The following NRP1 variants were observed in gnomAD, a reference collection of about 807,000 sequenced individuals.
NRP1 encodes neuropilin 1, also known as neuropilin-1.
A neutral mutation model predicts 106.7 loss-of-function variants in NRP1; 35 were observed. The observed-to-expected ratio is 0.33, with a 90% confidence interval of 0.25 to 0.43. The LOEUF (loss-of-function observed/expected upper bound fraction) is 0.43. Among genes scored for constraint, NRP1 ranks in the 20% least tolerant of loss-of-function variants. The pLI, the probability that NRP1 is intolerant of heterozygous loss-of-function variation, is 1.00. For missense variants in NRP1, 1,024 were observed against 1,170.4 expected (o/e 0.87, Z 1.83); for synonymous variants, 437 against 417.9 (o/e 1.05, Z -0.56).
chr10:33,182,719 C>G lies in NRP1; in HGVS notation c.2461G>C (p.Glu821Gln). ...TTACCTGTTTCATCAATTTTAATTT[C>G]TGGGTTCTTTTTATCCAGGTCTGCT... The part of the protein sequence containing the change: ...KPADLDKKNP[E>Q]IKIDETGSTP... The change falls in exon 16 of 17, where the codon GAA becomes CAA. Residue 821 changes from glutamate (E) to glutamine (Q), a missense_variant. By Grantham distance (29) the Glu-to-Gln change is conservative (BLOSUM62 2). This residue lies in a region of NRP1 where 164 missense variants were observed against 161.4 expected (regional missense o/e 1.02). Transcript: ENST00000374867. 6.2e-7 allele frequency: 1 copy of G among 1,612,870 alleles called. No individual in the cohort carries two copies. Among genetic ancestry groups the G allele is most frequent in the Non-Finnish European group, 8.5e-7 (1 of 1,179,680 alleles).
intron 6 of NRP1, among the ~76,000 whole-genome samples, chr10:33,226,645 G>A (rs1018602858): frequency 6.6e-6 from 1 of 152,208 alleles, no homozygotes; most frequent in African/African-American, 2.4e-5. Context: ...TGGAATTAAT[G>A]ATAGAACAGC....
chr10:33,254,894 A>G (rs534903569), intron 5 of NRP1, among the ~76,000 whole-genome samples: 3 of 152,356 alleles, frequency 2.0e-5, no homozygotes, highest in East Asian at 1.9e-4. Context: ...AAAGAAGCAC[A>G]TTAGGTGGAC....
intron 2 of NRP1, among the ~76,000 whole-genome samples, chr10:33,323,946 C>T (rs1321034597): frequency 1.3e-5 from 2 of 152,154 alleles, no homozygotes; most frequent in Non-Finnish European, 2.9e-5. Context: ...TAAGTGCCTG[C>T]TCCCTAAAGT....
In NRP1 at chr10:33,270,696, G is replaced by A. The variant is rs766101815; in HGVS notation, c.409C>T (p.Arg137Cys). 2 of 1,610,242 alleles carry A rather than the reference G, an allele frequency of 1.2e-6. No individual in the cohort carries two copies. The highest frequency in any genetic ancestry group is 1.1e-5 in the South Asian group (1 of 90,332). Residue 137 changes from arginine (R) to cysteine (C), a missense_variant, in exon 3 of 17, where the codon CGT becomes TGT. Arg to Cys is a radical substitution (Grantham distance 180, BLOSUM62 -3). Around this residue, in one of 5 missense-constraint regions of NRP1, gnomAD observed 279 missense variants for 327.4 expected, o/e 0.85. Transcript: ENST00000374867. The stretch of plus-strand genomic sequence containing the variant: ...TCACCTCTCTTGAAAATTTCATAAC[G>A]TATGGAAAATCCTGCACCATGTGTT... ...YETHGAGFSIRYEIFKRGPEC... is the reference protein window; with the variant it reads ...YETHGAGFSICYEIFKRGPEC...
chr10:33,318,773 G>A (rs1422966359), intron 2 of NRP1, among the ~76,000 whole-genome samples: 26 of 143,822 alleles, frequency 1.8e-4, no homozygotes, highest in African/African-American at 6.1e-4. Context: ...GGTTTTGGTG[G>A]CCAAAACCAC....
upstream of NRP1, chr10:33,334,667 TCAAAAAAAAAA>T (rs1848517539): frequency 2.6e-4 from 1 of 3,820 alleles, no homozygotes; most frequent in South Asian, 5.4e-3. Context: ...GGGCCATGTC[TCAAAAAAAAAA>T]AAAAAAAAAA....
intron 2 of NRP1, among the ~76,000 whole-genome samples, chr10:33,292,567 C>T (rs551909906): frequency 2.0e-5 from 3 of 152,102 alleles, no homozygotes; most frequent in Non-Finnish European, 4.4e-5. Context: ...ACACTGAAGC[C>T]CAGCAGGTGA....
At chr10:33,333,746 T>C (rs1490929573) in intron 1 of NRP1, among the ~76,000 whole-genome samples, 3 of 152,226 alleles carry the variant, frequency 2.0e-5, no homozygotes, top group African/African-American at 7.2e-5. Context: ...CCTGGTGCCT[T>C]ACACTGTATA....
At chr10:33,297,118 C>A (rs1471150836) in intron 2 of NRP1, among the ~76,000 whole-genome samples, 1 of 152,146 alleles carries the variant, frequency 6.6e-6, no homozygotes, top group Non-Finnish European at 1.5e-5. Context: ...GCAAAGCAAG[C>A]ACTGAACATC....
rs144391985 is a variant in NRP1, at chr10:33,205,844, CT to C, written c.1759+1727del. On this transcript the variant is annotated intron_variant, in intron 10 of 16. Transcript: ENST00000374867. Reference sequence around the variant, plus strand: ...AAACCATAATTTCATTTTTTTCCCCCTAAACCATAATTTCCAATTTTGTGGC... The same window carrying C: ...AAACCATAATTTCATTTTTTTCCCCCAAACCATAATTTCCAATTTTGTGGC... 1,527 of 186,030 alleles carry C rather than the reference CT, an allele frequency of 8.2e-3. 26 individuals carry two copies. Among genetic ancestry groups the C allele is most frequent in the African/African-American group, 0.034 (1,434 of 42,666 alleles). 11.5% of individuals were successfully genotyped at this position (186,030 alleles called of 1,614,324 possible).
rs746144639 is a variant in NRP1 at position 33,270,750 on chromosome 10, G to C, written c.355C>G (p.Leu119Val). Residue 119 changes from leucine (L) to valine (V), a missense_variant, in exon 3 of 17, where the codon CTT becomes GTT. Transcript: ENST00000374867. ...PPPVVSSGPF[L>V]FIKFVSDYET... is the part of the protein sequence containing the mutation. ...TAGTCAGAGACAAATTTGATAAAAA[G>C]AAATGGCCCTGAAGACACAACAGGA... 8 of 1,613,842 alleles carry C rather than the reference G, an allele frequency of 5.0e-6. No homozygotes were observed. The highest frequency in any genetic ancestry group is 5.9e-6 in the Non-Finnish European group (7 of 1,179,882).
At chr10:33,239,451 T>G (rs1405172433) in intron 6 of NRP1, among the ~76,000 whole-genome samples, 1 of 152,256 alleles carries the variant, frequency 6.6e-6, no homozygotes, top group Non-Finnish European at 1.5e-5. Flanking sequence ...CCAAACTGCC[T>G]GTCATTAAAG....
intron 2 of NRP1, among the ~76,000 whole-genome samples, chr10:33,289,813 A>G (rs1336169189): frequency 6.6e-6 from 1 of 152,234 alleles, no homozygotes; most frequent in East Asian, 1.9e-4. Context: ...ATCTGAGTGC[A>G]CGACACACAA....
chr10:33,316,456 T>C (rs1347935928), intron 2 of NRP1, among the ~76,000 whole-genome samples: 1 of 152,190 alleles, frequency 6.6e-6, no homozygotes, highest in Non-Finnish European at 1.5e-5. Context: ...GTTCTCCAGG[T>C]GGTCAACATC....
At chr10:33,295,217 C>G (rs571221261) in intron 2 of NRP1, among the ~76,000 whole-genome samples, 1 of 152,238 alleles carries the variant, frequency 6.6e-6, no homozygotes, top group Admixed American at 6.5e-5. Context: ...CAAGGTTTTC[C>G]AGTTGTTCAA....
chr10:33,266,080 C>T (rs1435336770), intron 3 of NRP1, among the ~76,000 whole-genome samples: 1 of 152,098 alleles, frequency 6.6e-6, no homozygotes, highest in Non-Finnish European at 1.5e-5. Flanking sequence ...TTATTAGTAT[C>T]TGCATGAAAC....
chr10:33,267,606 T>G, intron 3 of NRP1, among the ~76,000 whole-genome samples: 1 of 144,654 alleles, frequency 6.9e-6, no homozygotes. Flanking sequence ...CCCGTCCCCC[T>G]TGCACTGAGA....
chr10:33,298,953 C>T (rs2776930), intron 2 of NRP1, among the ~76,000 whole-genome samples: 126,327 of 152,094 alleles, frequency 0.83, 53,019 homozygotes, highest in East Asian at 0.97. Context: ...TTCTACCTAC[C>T]ATGCATTGAG....
intron 11 of NRP1, among the ~76,000 whole-genome samples, chr10:33,200,858 C>A (rs915700840): frequency 1.2e-4 from 19 of 152,162 alleles, no homozygotes; most frequent in African/African-American, 4.6e-4. Flanking sequence ...AAAAAGACTG[C>A]CTTCTTGCAA....
Sources: allele counts gnomAD v4.1 joint callset (sites outside exome capture counted in the v4.1 genomes callset), GRCh38; gene constraint gnomAD v4.1.1; regional missense constraint gnomAD v4.1.1; transcripts MANE v1.5; gene names NCBI Gene and HGNC (gene_info 2026-07-23, HGNC 2026-07-21).